PTPRD: variants seen among roughly 807,000 people sequenced by gnomAD.
PTPRD encodes the protein protein tyrosine phosphatase receptor type D.
In PTPRD, 34 loss-of-function variants were observed where a neutral mutation model predicts 214.5. That is an observed-to-expected ratio of 0.16 (90% CI 0.12 to 0.21). The LOEUF is 0.21. PTPRD is among the 10% of genes least tolerant of loss of function. The probability of loss-of-function intolerance (pLI) is 1.00; values close to 1 mark genes in which losing one functional copy is unlikely to be tolerated. For synonymous variants in PTPRD, 1,128 were observed against 845.7 expected (o/e 1.33, Z -5.79); for missense variants, 2,545 against 2,398.7 (o/e 1.06, Z -1.27).
rs575802004 is a variant in PTPRD, at chr9:9,156,354, T to C, written c.-143+26950A>G. On this transcript the variant is annotated intron_variant, in intron 10 of 45. Coordinates refer to ENST00000381196, the MANE Select transcript of PTPRD (RefSeq NM_002839.4). ...TTCTACCTTCCAAGATATTTATATG[T>C]ATGTTAATGTTTTTATGGTACATTA... is the stretch of plus-strand genomic sequence containing the variant. Among the ~76,000 whole-genome samples, 9 of 139,680 alleles carry C rather than the reference T, an allele frequency of 6.4e-5. No homozygotes were observed. The South Asian group carries it at 2.0e-3, about 32-fold the overall frequency. 91.6% of individuals were successfully genotyped at this position (139,680 alleles called of 152,430 possible).
chr9:9,816,223 T>C (rs1286319669), intron 5 of PTPRD, among the ~76,000 whole-genome samples: 2 of 152,170 alleles, frequency 1.3e-5, no homozygotes, highest in Non-Finnish European at 2.9e-5. Context: ...ATGTTTAAAG[T>C]TCTAACATGT....
At chr9:10,426,169 T>A (rs907723170) in intron 2 of PTPRD, among the ~76,000 whole-genome samples, 1 of 152,004 alleles carries the variant, frequency 6.6e-6, no homozygotes, top group Non-Finnish European at 1.5e-5. Flanking sequence ...CTTTTCCTAT[T>A]TTAGCTTGGT....
intron 9 of PTPRD, among the ~76,000 whole-genome samples, chr9:9,359,004 G>C (rs1178357086): frequency 6.6e-6 from 1 of 151,208 alleles, no homozygotes; most frequent in African/African-American, 2.4e-5. Flanking sequence ...TGCTGCACTT[G>C]CATTTATTAT....
At chr9:10,319,986 C>T (rs1411587775) in intron 3 of PTPRD, among the ~76,000 whole-genome samples, 1 of 152,000 alleles carries the variant, frequency 6.6e-6, no homozygotes, top group African/African-American at 2.4e-5. Flanking sequence ...TGTCATTTCT[C>T]ATGGAAATTC....
chr9:8,836,291 G>C (rs2097420331), intron 11 of PTPRD, among the ~76,000 whole-genome samples: 1 of 152,068 alleles, frequency 6.6e-6, no homozygotes, highest in Non-Finnish European at 1.5e-5. Flanking sequence ...CATTGACAAA[G>C]CAAACTACAA....
chr9:8,882,555 T>C (rs967485051), intron 11 of PTPRD, among the ~76,000 whole-genome samples: 8 of 152,136 alleles, frequency 5.3e-5, no homozygotes, highest in Non-Finnish European at 1.0e-4. Context: ...TCTCCTCCTA[T>C]GGCCAACAGA....
At chr9:10,461,704 C>A (rs1364371323) in intron 2 of PTPRD, among the ~76,000 whole-genome samples, 2 of 151,544 alleles carry the variant, frequency 1.3e-5, no homozygotes, top group Non-Finnish European at 2.9e-5. Context: ...CTCACTGCAA[C>A]CTCTGCGTCC....
intron 11 of PTPRD, among the ~76,000 whole-genome samples, chr9:8,802,703 A>G (rs1294186935): frequency 6.6e-6 from 1 of 152,222 alleles, no homozygotes; most frequent in African/African-American, 2.4e-5. Flanking sequence ...ACTAACATTT[A>G]GGAGTTATGT....
At chr9:9,537,761 A>T (rs956523900) in intron 8 of PTPRD, among the ~76,000 whole-genome samples, 1 of 151,940 alleles carries the variant, frequency 6.6e-6, no homozygotes, top group Admixed American at 6.6e-5. Flanking sequence ...AAAGTAACTG[A>T]TATTAAAAAC....
chr9:10,504,961 C>T (rs1455933262), intron 2 of PTPRD, among the ~76,000 whole-genome samples: 1 of 152,164 alleles, frequency 6.6e-6, no homozygotes, highest in Admixed American at 6.5e-5. Context: ...GTATCTGCTA[C>T]AACATTGGCT....
intron 8 of PTPRD, among the ~76,000 whole-genome samples, chr9:9,509,995 G>C (rs533906376): frequency 6.6e-6 from 1 of 151,592 alleles, no homozygotes; most frequent in Non-Finnish European, 1.5e-5. Context: ...AGAAGAGTGA[G>C]AAATCAGAAC....
intron 31 of PTPRD, 117 bp downstream of exon 31, chr9:8,470,878 C>G: frequency 1.2e-6 from 1 of 828,022 alleles, no homozygotes; most frequent in East Asian, 2.5e-5. Context: ...ATCCAACCAG[C>G]TAGGTATGGA....
At chr9:8,629,971 C>T (rs781763222) in intron 14 of PTPRD, among the ~76,000 whole-genome samples, 8 of 151,776 alleles carry the variant, frequency 5.3e-5, no homozygotes, top group Non-Finnish European at 1.2e-4. Flanking sequence ...ATGCTCCCTT[C>T]GAGGCACATG....
chr9:9,885,716 C>G (rs1259611461), intron 5 of PTPRD, among the ~76,000 whole-genome samples: 3 of 151,964 alleles, frequency 2.0e-5, no homozygotes, highest in African/African-American at 7.3e-5. Context: ...GAAAAGGCAA[C>G]AAAATAGGTT....
chr9:9,936,030 G>C (rs1414889418), intron 5 of PTPRD, among the ~76,000 whole-genome samples: 1 of 149,820 alleles, frequency 6.7e-6, no homozygotes, highest in African/African-American at 2.5e-5. Context: ...GCCATATGTA[G>C]AAAGCTGAAA....
chr9:10,417,908 T>C (rs2098507611), intron 2 of PTPRD, among the ~76,000 whole-genome samples: 1 of 151,672 alleles, frequency 6.6e-6, no homozygotes, highest in South Asian at 2.1e-4. Flanking sequence ...ATTAAATGAA[T>C]CTAGATGGTT....
At chr9:9,878,975 T>C (rs2067755773) in intron 5 of PTPRD, among the ~76,000 whole-genome samples, 1 of 152,174 alleles carries the variant, frequency 6.6e-6, no homozygotes, top group African/African-American at 2.4e-5. Flanking sequence ...GATGAATGAA[T>C]AAATGGGAGG....
intron 7 of PTPRD, among the ~76,000 whole-genome samples, chr9:9,731,402 G>T (rs1321546796): frequency 1.3e-5 from 2 of 151,946 alleles, no homozygotes; most frequent in African/African-American, 4.8e-5. Context: ...CACATTCACA[G>T]CATTGTTTTC....
intron 12 of PTPRD, among the ~76,000 whole-genome samples, chr9:8,661,042 C>A (rs1372171070): frequency 2.0e-5 from 3 of 152,034 alleles, no homozygotes; most frequent in South Asian, 4.1e-4. Flanking sequence ...GATGATGAAT[C>A]TGAGGCTTAT....
Sources: gnomAD v4.1 joint callset for allele counts (sites outside exome capture counted in the v4.1 genomes callset) on GRCh38, gnomAD v4.1.1 for gene constraint, MANE v1.5 for transcripts, NCBI Gene and HGNC (gene_info 2026-07-23, HGNC 2026-07-21) for gene names.